The following RBFOX1 variants were observed in gnomAD, a reference collection of about 807,000 sequenced individuals.
The protein encoded by RBFOX1 is RNA binding protein fox-1 homolog 1.
In RBFOX1, 8 loss-of-function variants were observed where a neutral mutation model predicts 57.7. The observed-to-expected ratio is 0.14, with a 90% CI of 0.08 to 0.25. The LOEUF is 0.25. RBFOX1 is among the 10% of genes least tolerant of loss of function. The probability of loss-of-function intolerance (pLI) is 1.00; values close to 1 mark genes in which losing one functional copy is unlikely to be tolerated. For missense variants in RBFOX1, 611 were observed against 548.5 expected, an observed-to-expected ratio of 1.11 and a Z score of -1.14; for synonymous variants, 326 against 222.4, an observed-to-expected ratio of 1.47 and a Z score of -4.15.
intron 3 of RBFOX1, among the ~76,000 whole-genome samples, chr16:6,735,442 A>T (rs2069930993): frequency 6.6e-6 from 1 of 152,222 alleles, no homozygotes; most frequent in Non-Finnish European, 1.5e-5. Flanking sequence ...TTTCTGTCTT[A>T]GTCTCTGCAG....
chr16:6,048,048 G>T (rs189440163), intron 1 of RBFOX1, among the ~76,000 whole-genome samples: 1 of 152,226 alleles, frequency 6.6e-6, no homozygotes, highest in Admixed American at 6.5e-5. Context: ...GATCTAAAAT[G>T]GTTTTAATTT....
In RBFOX1 at chr16:6,658,139, A is replaced by C. The variant is rs371526006; in HGVS notation, c.-16+3489A>C. Among the ~76,000 whole-genome samples, 9 of 152,106 alleles carry C rather than the reference A, an allele frequency of 5.9e-5. No individual in the cohort carries two copies. The South Asian group carries it at 1.9e-3, about 32-fold the overall frequency. ...CCTCATTCCCATTCTCTTCCTTTCAATGGGGCCGATTATCTTGAGATGAAT... is the reference window on the plus strand; with the variant it reads ...CCTCATTCCCATTCTCTTCCTTTCACTGGGGCCGATTATCTTGAGATGAAT... On this transcript the variant is annotated intron_variant, in intron 3 of 15. Coordinates refer to ENST00000550418, the MANE Select transcript of RBFOX1 (RefSeq NM_018723.4).
At chr16:5,579,524 G>T (rs957585839) in intron 2 of RBFOX1, among the ~76,000 whole-genome samples, 1 of 151,996 alleles carries the variant, frequency 6.6e-6, no homozygotes, top group South Asian at 2.1e-4. Context: ...TGCTCACAGC[G>T]TGGCCTTTAA....
chr16:6,275,034 C>G (rs1432838265), intron 1 of RBFOX1, among the ~76,000 whole-genome samples: 1 of 152,158 alleles, frequency 6.6e-6, no homozygotes, highest in African/African-American at 2.4e-5. Context: ...AATATCCAGT[C>G]TTGCTTCTAC....
rs1315548687 is a variant in RBFOX1 at position 5,946,658 on chromosome 16, A to AG, written c.351+79328dup. ...TGCTAGGCAACTATTGAACCAGAGA[A>AG]GGGGGTTATGAGAATCTCTGATTTA... On this transcript the variant is annotated intron_variant, in intron 4 of 19. Coordinates refer to the RBFOX1 transcript ENST00000641259. The surrounding 1 kb of genome is among the most constrained non-coding windows in gnomAD (Gnocchi z 4.6). 6.6e-6 allele frequency among the ~76,000 whole-genome samples: 1 copy of AG among 152,204 alleles called. No homozygotes were observed. Among genetic ancestry groups the AG allele is most frequent in the African/African-American group, 2.4e-5 (1 of 41,456 alleles).
In RBFOX1 at chr16:7,688,811, T is replaced by C. The variant is rs191561667; in HGVS notation, c.995+11973T>C. ...TTTCATAATCAAGTTGTTGTTAGAATATGTTTTTAATTCTTTCTCTCAATT... is the reference window on the plus strand; with the variant it reads ...TTTCATAATCAAGTTGTTGTTAGAACATGTTTTTAATTCTTTCTCTCAATT... On this transcript the variant is annotated intron_variant, in intron 14 of 15. Coordinates refer to ENST00000550418, the MANE Select transcript of RBFOX1 (RefSeq NM_018723.4). 1.0e-3 allele frequency among the ~76,000 whole-genome samples: 155 copies of C among 152,248 alleles called. 1 individual carries two copies. The highest frequency in any genetic ancestry group is 6.8e-3 in the Middle Eastern group (2 of 292).
intron 1 of RBFOX1, among the ~76,000 whole-genome samples, chr16:6,271,330 A>C (rs1335320835): frequency 2.0e-5 from 3 of 152,204 alleles, no homozygotes; most frequent in African/African-American, 7.2e-5. Context: ...AGGTTGAGAC[A>C]GGAGAATCAT....
chr16:5,424,616 C>T (rs886738798), intron 1 of RBFOX1, among the ~76,000 whole-genome samples: 1 of 151,866 alleles, frequency 6.6e-6, no homozygotes, highest in African/African-American at 2.4e-5. Flanking sequence ...AGCAAACCAC[C>T]ATGGCACACG....
chr16:7,396,339 G>A (rs149947480), intron 4 of RBFOX1, among the ~76,000 whole-genome samples: 1 of 152,234 alleles, frequency 6.6e-6, no homozygotes, highest in East Asian at 1.9e-4. Context: ...GCATACCTCA[G>A]TTACAAGCGG....
chr16:7,680,213 C>T (rs978777571), intron 14 of RBFOX1, among the ~76,000 whole-genome samples: 2 of 152,110 alleles, frequency 1.3e-5, no homozygotes, highest in African/African-American at 4.8e-5. Flanking sequence ...TTGATTGGCT[C>T]ATGGTTTGTG....
upstream of RBFOX1, among the ~76,000 whole-genome samples, chr16:6,015,665 T>A (rs2094989142): frequency 6.6e-6 from 1 of 152,232 alleles, no homozygotes; most frequent in African/African-American, 2.4e-5. Flanking sequence ...TCAGGCACTT[T>A]CATAAGCTGT....
intron 4 of RBFOX1, among the ~76,000 whole-genome samples, chr16:7,234,636 A>T (rs1164625326): frequency 6.7e-6 from 1 of 148,748 alleles, no homozygotes; most frequent in Non-Finnish European, 1.5e-5. Flanking sequence ...GTGCTTGTGT[A>T]TATGTGTGTG....
At chr16:6,964,749 C>T (rs2083739930) in intron 3 of RBFOX1, among the ~76,000 whole-genome samples, 1 of 152,144 alleles carries the variant, frequency 6.6e-6, no homozygotes, top group African/African-American at 2.4e-5. Flanking sequence ...CCTGCAATTC[C>T]TGTTGGAGAG....
intron 3 of RBFOX1, among the ~76,000 whole-genome samples, chr16:6,660,508 A>G (rs2098694516): frequency 6.6e-6 from 1 of 152,200 alleles, no homozygotes; most frequent in South Asian, 2.1e-4. Context: ...ATTTGAGCTC[A>G]GAGATTCTTA....
chr16:6,902,400 T>C (rs2068711774), intron 3 of RBFOX1, among the ~76,000 whole-genome samples: 1 of 152,186 alleles, frequency 6.6e-6, no homozygotes. Context: ...GAGGAAAGTC[T>C]TCCAGGCCAT....
intron 4 of RBFOX1, among the ~76,000 whole-genome samples, chr16:7,154,910 A>G (rs2076788308): frequency 1.3e-5 from 2 of 152,324 alleles, no homozygotes; most frequent in South Asian, 2.1e-4. Flanking sequence ...AGAGTTTTAT[A>G]ACTTTGCATA....
intron 2 of RBFOX1, among the ~76,000 whole-genome samples, chr16:5,538,235 C>T (rs893202322): frequency 2.0e-5 from 3 of 152,196 alleles, no homozygotes; most frequent in Admixed American, 2.0e-4. Context: ...TCAAATGACA[C>T]CTCTTACACT....
chr16:5,554,701 C>G (rs1332001490), intron 2 of RBFOX1, among the ~76,000 whole-genome samples: 1 of 152,114 alleles, frequency 6.6e-6, no homozygotes, highest in Admixed American at 6.5e-5. Context: ...TTCCCAGACA[C>G]CAAAGGCTCT....
chr16:6,773,370 G>T (rs2078747985), intron 3 of RBFOX1, among the ~76,000 whole-genome samples: 1 of 148,108 alleles, frequency 6.8e-6, no homozygotes, highest in Admixed American at 6.7e-5. Context: ...GCATTTGTGT[G>T]TGTGTGTGTG....
Sources: allele counts gnomAD v4.1 joint callset (sites outside exome capture counted in the v4.1 genomes callset), GRCh38; gene constraint gnomAD v4.1.1; non-coding constraint Gnocchi (gnomAD v3.1); transcripts MANE v1.5; gene names NCBI Gene and HGNC (gene_info 2026-07-23, HGNC 2026-07-21).